RUNX2: variants seen among roughly 807,000 people sequenced by gnomAD.
RUNX2 encodes the protein RUNX family transcription factor 2.
RUNX2 carries 10 observed loss-of-function variants against 51.7 expected under a neutral mutation model. The observed-to-expected ratio is 0.19, with a 90% CI of 0.12 to 0.33. RUNX2 has a LOEUF of 0.33. RUNX2 is among the 10% of genes least tolerant of loss of function. The pLI is 1.00. For missense variants in RUNX2, 562 were observed against 691.3 expected (o/e 0.81, Z 2.10); for synonymous variants, 276 against 273.6 (o/e 1.01, Z -0.09).
chr6:45,533,460 C>T (rs1480692803), intron 7 of RUNX2, among the ~76,000 whole-genome samples: 1 of 152,166 alleles, frequency 6.6e-6, no homozygotes, highest in African/African-American at 2.4e-5. Flanking sequence ...GAAAATTCTA[C>T]ATATTCTAAA....
chr6:45,483,047 G>A (rs1800159898), intron 5 of RUNX2, among the ~76,000 whole-genome samples: 1 of 152,154 alleles, frequency 6.6e-6, no homozygotes, highest in African/African-American at 2.4e-5. Context: ...TCTTCTGGAA[G>A]CAGATTTGTT....
chr6:45,523,615 A>G (rs1801575051), intron 7 of RUNX2, among the ~76,000 whole-genome samples: 1 of 152,050 alleles, frequency 6.6e-6, no homozygotes, highest in African/African-American at 2.4e-5. Context: ...TAACATGCAG[A>G]AATAGTTATA....
rs1484955460 is a variant in RUNX2, at chr6:45,360,955, T to C, written c.58+32171T>C. 1.3e-5 allele frequency among the ~76,000 whole-genome samples: 2 copies of C among 152,124 alleles called. 1 individual carries two copies. The highest frequency in any genetic ancestry group is 4.1e-4 in the South Asian group (2 of 4,824). ...TATATGCCTCTTGAAGGCATTCAGTTCCTGCCATATAATAAGGACTCAGTG... is the reference window on the plus strand; with the variant it reads ...TATATGCCTCTTGAAGGCATTCAGTCCCTGCCATATAATAAGGACTCAGTG... On this transcript the variant is annotated intron_variant, in intron 2 of 8. Coordinates refer to ENST00000647337, the MANE Select transcript of RUNX2 (RefSeq NM_001024630.4).
intron 2 of RUNX2, among the ~76,000 whole-genome samples, chr6:45,360,504 C>T (rs978454239): frequency 6.6e-6 from 1 of 152,092 alleles, no homozygotes; most frequent in Non-Finnish European, 1.5e-5. Context: ...GCTTAAAAAC[C>T]CATCTACTAA....
At chr6:45,447,873 C>T (rs559882255) in intron 5 of RUNX2, among the ~76,000 whole-genome samples, 1 of 152,218 alleles carries the variant, frequency 6.6e-6, no homozygotes, top group South Asian at 2.1e-4. Flanking sequence ...AAAATGTTAG[C>T]AGTTGTGTGT....
intron 5 of RUNX2, among the ~76,000 whole-genome samples, chr6:45,453,938 G>A (rs2150381751): frequency 6.6e-6 from 1 of 152,264 alleles, no homozygotes; most frequent in South Asian, 2.1e-4. Flanking sequence ...ATTTTTTACA[G>A]AACATATTTT....
chr6:45,352,683 T>A (rs957388756), intron 2 of RUNX2, among the ~76,000 whole-genome samples: 1 of 152,138 alleles, frequency 6.6e-6, no homozygotes, highest in Non-Finnish European at 1.5e-5. Context: ...TGTTTATAAG[T>A]AGTCATGAAT....
At chr6:45,543,557 C>A (rs1802298007) in intron 7 of RUNX2, among the ~76,000 whole-genome samples, 1 of 152,124 alleles carries the variant, frequency 6.6e-6, no homozygotes, top group South Asian at 2.1e-4. Flanking sequence ...TTTAGAAAAT[C>A]AGATTGGGGT....
intron 2 of RUNX2, among the ~76,000 whole-genome samples, chr6:45,347,177 T>G (rs1385860620): frequency 6.6e-6 from 1 of 152,158 alleles, no homozygotes; most frequent in Non-Finnish European, 1.5e-5. Context: ...AGTGAAATAA[T>G]GGGATATCTG....
At chr6:45,363,190 G>C (rs1307518239) in intron 2 of RUNX2, among the ~76,000 whole-genome samples, 1 of 152,082 alleles carries the variant, frequency 6.6e-6, no homozygotes, top group Admixed American at 6.5e-5. Context: ...GGCTTCAATA[G>C]ACAACAGATA....
intron 5 of RUNX2, among the ~76,000 whole-genome samples, chr6:45,450,726 T>A (rs1184433592): frequency 6.6e-6 from 1 of 152,134 alleles, no homozygotes; most frequent in African/African-American, 2.4e-5. Context: ...GGAAGAGACA[T>A]CAAGGCAAAA....
chr6:45,448,012 A>G (rs552031329), intron 5 of RUNX2, among the ~76,000 whole-genome samples: 89 of 152,310 alleles, frequency 5.8e-4, no homozygotes, highest in African/African-American at 2.0e-3. Flanking sequence ...TTATCAGGTT[A>G]GCTGGAGTAG....
intron 2 of RUNX2, among the ~76,000 whole-genome samples, chr6:45,360,670 TGGTC>T (rs997278109): frequency 2.6e-5 from 4 of 152,150 alleles, no homozygotes; most frequent in African/African-American, 9.7e-5. Flanking sequence ...AATGAATAAA[TGGTC>T]ATTGCTATTT....
At chr6:45,460,870 A>T (rs943076353) in intron 5 of RUNX2, among the ~76,000 whole-genome samples, 3 of 152,194 alleles carry the variant, frequency 2.0e-5, no homozygotes, top group Non-Finnish European at 4.4e-5. Flanking sequence ...CCTACCTATA[A>T]TGGTTATTTT....
At chr6:45,405,461 A>G (rs1229789537) in intron 2 of RUNX2, among the ~76,000 whole-genome samples, 1 of 152,134 alleles carries the variant, frequency 6.6e-6, no homozygotes, top group Non-Finnish European at 1.5e-5. Flanking sequence ...CTTCCAACCC[A>G]TTGTTTGGTG....
At position 45,381,287 on chromosome 6, in the gene RUNX2, A is replaced by G. The variant is rs1335758204; in HGVS notation, c.59-41306A>G. Among the ~76,000 whole-genome samples, 5 of 152,246 alleles carry G rather than the reference A, an allele frequency of 3.3e-5. No individual in the cohort carries two copies. The East Asian group carries it at 7.7e-4, about 23-fold the overall frequency. Reference sequence around the variant, plus strand: ...TTTTGTATCTGTGGAATGAGATGATAGAACCAAATGAACTAAAACCTTACA... The same window carrying G: ...TTTTGTATCTGTGGAATGAGATGATGGAACCAAATGAACTAAAACCTTACA... On this transcript the variant is annotated intron_variant, in intron 2 of 8. Transcript: ENST00000647337.
chr6:45,459,184 G>A (rs1471316238), intron 5 of RUNX2, among the ~76,000 whole-genome samples: 1 of 152,152 alleles, frequency 6.6e-6, no homozygotes, highest in African/African-American at 2.4e-5. Context: ...CATGTTTATA[G>A]TTATTTGTAC....
At chr6:45,500,657 G>C (rs1232699383) in intron 6 of RUNX2, among the ~76,000 whole-genome samples, 2 of 152,200 alleles carry the variant, frequency 1.3e-5, no homozygotes, top group Non-Finnish European at 2.9e-5. Context: ...GCTGTTGCCA[G>C]GGTGAATGGT....
At chr6:45,354,309 AT>A (rs1165547339) in intron 2 of RUNX2, among the ~76,000 whole-genome samples, 1 of 152,166 alleles carries the variant, frequency 6.6e-6, no homozygotes, top group African/African-American at 2.4e-5. Flanking sequence ...ATCTGATAAC[AT>A]AGTTGTTCAC....
Sources: gnomAD v4.1 joint callset for allele counts (sites outside exome capture counted in the v4.1 genomes callset) on GRCh38, gnomAD v4.1.1 for gene constraint, MANE v1.5 for transcripts, NCBI Gene and HGNC (gene_info 2026-07-23, HGNC 2026-07-21) for gene names.